CBL: variants seen among roughly 807,000 people sequenced by gnomAD.
CBL encodes the protein Cbl proto-oncogene.
Under a neutral mutation model 96.9 loss-of-function variants are expected in CBL, and 45 were observed. The ratio of observed to expected loss-of-function variants is 0.46; its 90% CI spans 0.37 to 0.60. The LOEUF (loss-of-function observed/expected upper bound fraction) is 0.60. Ranked by LOEUF, CBL falls within the 20% of genes least tolerant of loss-of-function variation. CBL has a pLI of 0.00. For missense variants in CBL, 1,024 were observed against 1,143.5 expected (o/e 0.90, Z 1.51); for synonymous variants, 420 against 426.8 (o/e 0.98, Z 0.20).
rs927516088 is a variant in CBL, at chr11:119,221,101, G to A, written c.196-11347G>A. Among the ~76,000 whole-genome samples, 5 of 151,792 alleles carry A rather than the reference G, an allele frequency of 3.3e-5. No individual in the cohort carries two copies. In the South Asian group the frequency reaches 6.2e-4, roughly 19 times the overall value. On this transcript the variant is annotated intron_variant, in intron 1 of 15. Transcript: ENST00000264033. ...TCTACTAAAAATACAAAAATTAGCC[G>A]GGCGTGGTAGTGCGCGCCTGTAGTC...
intron 13 of CBL, 66 bp from the exon 14 acceptor site, chr11:119,297,318 C>A: frequency 7.9e-7 from 1 of 1,268,048 alleles, no homozygotes; most frequent in Non-Finnish European, 1.2e-6. Context: ...GAAGATGAAT[C>A]TTCATAAGTT....
chr11:119,225,089 T>G (rs368780679), intron 1 of CBL, among the ~76,000 whole-genome samples: 1 of 151,786 alleles, frequency 6.6e-6, no homozygotes, highest in East Asian at 2.0e-4. Context: ...CGCTTGTATG[T>G]ATGCATGTAT....
chr11:119,229,448 C>G (rs1949484347), intron 1 of CBL, among the ~76,000 whole-genome samples: 2 of 152,062 alleles, frequency 1.3e-5, no homozygotes, highest in African/African-American at 4.8e-5. Context: ...TCTTTGTTTG[C>G]TAGGCTTATA....
intron 4 of CBL, 45 bp from the exon 5 acceptor site, chr11:119,274,787 T>G: frequency 6.2e-7 from 1 of 1,606,252 alleles, no homozygotes; most frequent in African/African-American, 1.3e-5. Flanking sequence ...CTGAGTTGGT[T>G]GTACATCTGA....
chr11:119,298,666 G>T, intron 15 of CBL, 126 bp downstream of exon 15: 2 of 864,298 alleles, frequency 2.3e-6, no homozygotes. Flanking sequence ...ATGTCTAAAT[G>T]GGAGGAAAGT....
At chr11:119,227,316 A>G (rs762557466) in intron 1 of CBL, among the ~76,000 whole-genome samples, 2 of 152,132 alleles carry the variant, frequency 1.3e-5, no homozygotes, top group East Asian at 1.9e-4. Flanking sequence ...TAAATATACT[A>G]TTGACTTATG....
At position 119,287,922 on chromosome 11, in the gene CBL, A is replaced by G. The variant is rs760168148; in HGVS notation, c.2012A>G (p.Asn671Ser). Residue 671 changes from asparagine (N) to serine (S), a missense_variant, in exon 12 of 16, where the codon AAT becomes AGT. Asn to Ser is a conservative substitution (Grantham distance 46). Transcript: ENST00000264033. ...AAAATCAAACCTTCCTCATCTGCCA[A>G]TGCCATTTATTCTCTGGCTGCCAGG... ...HPKIKPSSSA[N>S]AIYSLAARPL... The G allele has an allele frequency of 9.9e-6, 16 of 1,612,890 alleles. No homozygotes were observed. Among genetic ancestry groups the G allele is most frequent in the South Asian group, 6.6e-5 (6 of 91,066 alleles).
rs527692584 is a variant in CBL at position 119,285,500 on chromosome 11, C to T, written c.1875C>T (p.Pro625=). The change falls in exon 11 of 16, where the codon CCC becomes CCT. Residue 625 remains proline (P), a synonymous_variant. Transcript: ENST00000264033. The part of the protein sequence containing the change: ...TNRHSLPFSL[P]SQMEPRPDVP... ...GGCACTCACTTCCATTTTCATTGCC[C>T]TCACAAATGGAGCCCAGACCAGATG... The T allele has an allele frequency of 1.2e-6, 2 of 1,614,098 alleles. No homozygotes were observed. The highest frequency in any genetic ancestry group is 2.2e-5 in the East Asian group (1 of 44,886).
chr11:119,244,477 G>A (rs1423064533), intron 2 of CBL, among the ~76,000 whole-genome samples: 1 of 151,564 alleles, frequency 6.6e-6, no homozygotes, highest in Non-Finnish European at 1.5e-5. Context: ...GAGTGCAGTG[G>A]CACAATCTTG....
chr11:119,210,153 G>A (rs1949305034), intron 1 of CBL, among the ~76,000 whole-genome samples: 1 of 152,204 alleles, frequency 6.6e-6, no homozygotes, highest in Non-Finnish European at 1.5e-5. Flanking sequence ...GAGGTAGGCA[G>A]ATCATTTGAT....
Position 119,298,206 on chromosome 11 carries a change from T to C in CBL, c.2252-152T>C, listed in dbSNP as rs2511858. ...ATTTTATTTTCTATTTTTATCTCTG[T>C]TTACATGGTGTTTGGCCCACAGTAG... On this transcript the variant is annotated intron_variant, in intron 14 of 15. Coordinates refer to ENST00000264033, the MANE Select transcript of CBL (RefSeq NM_005188.4). The C allele has an allele frequency of 0.016, 11,611 of 741,240 alleles. 870 individuals carry two copies. The African/African-American group carries it at 0.17, about 11-fold the overall frequency. The allele number at this position is 741,240 out of a possible 1,614,324, so 45.9% of individuals were successfully genotyped here.
At position 119,306,651 on chromosome 11, in the gene CBL, T is replaced by A. The variant is rs1344709775; in HGVS notation, c.*6870T>A. ...AACTGGAGAGGCAGAGAACTACTTATGAGTCTGTAGACCACGTGTTGTCTT... is the reference window on the plus strand; with the variant it reads ...AACTGGAGAGGCAGAGAACTACTTAAGAGTCTGTAGACCACGTGTTGTCTT... On this transcript the variant is annotated 3_prime_UTR_variant, in exon 16 of 16. Transcript: ENST00000264033. 3.2e-6 allele frequency: 1 copy of A among 316,418 alleles called. No individual in the cohort carries two copies. 19.6% of individuals were successfully genotyped at this position (316,418 alleles called of 1,614,324 possible).
intron 1 of CBL, among the ~76,000 whole-genome samples, chr11:119,231,004 A>G (rs1259494942): frequency 6.6e-6 from 1 of 152,248 alleles, no homozygotes; most frequent in Admixed American, 6.5e-5. Flanking sequence ...AAGATGGTAC[A>G]AAGAATTGCC....
chr11:119,280,530 G>A lies in CBL; in HGVS notation c.1431+1817G>A, dbSNP rs551609034. ...GTTTCTTCACATCCTGGTAGATGTTGTTTGTTGTTTTATTTTGATTTTTTT... is the reference window on the plus strand; with the variant it reads ...GTTTCTTCACATCCTGGTAGATGTTATTTGTTGTTTTATTTTGATTTTTTT... On this transcript the variant is annotated intron_variant, in intron 9 of 15. Coordinates refer to ENST00000264033, the MANE Select transcript of CBL (RefSeq NM_005188.4). Among the ~76,000 whole-genome samples the A allele has an allele frequency of 5.3e-5, 8 of 152,082 alleles. No individual in the cohort carries two copies. In the South Asian group the frequency reaches 1.7e-3, roughly 32 times the overall value.
At chr11:119,236,898 C>A (rs1018274403) in intron 2 of CBL, among the ~76,000 whole-genome samples, 1 of 152,048 alleles carries the variant, frequency 6.6e-6, no homozygotes, top group Non-Finnish European at 1.5e-5. Context: ...CTCAGTTTAA[C>A]CTTCCTTGGA....
At chr11:119,297,856 CT>C (rs1950074723) in intron 14 of CBL, among the ~76,000 whole-genome samples, 1 of 152,176 alleles carries the variant, frequency 6.6e-6, no homozygotes, top group African/African-American at 2.4e-5. Flanking sequence ...TCCTTTTGTG[CT>C]TTTCTTTGTC....
chr11:119,238,218 A>G (rs1949559552), intron 2 of CBL, among the ~76,000 whole-genome samples: 1 of 144,202 alleles, frequency 6.9e-6, no homozygotes, highest in African/African-American at 2.6e-5. Context: ...TTGATCCCAA[A>G]TACAATTTTT....
At position 119,303,438 on chromosome 11, in the gene CBL, G is replaced by A. The variant is rs531590698; in HGVS notation, c.*3657G>A. 4.3e-6 allele frequency: 1 copy of A among 233,506 alleles called. No individual in the cohort carries two copies. The highest frequency in any genetic ancestry group is 1.8e-4 in the South Asian group (1 of 5,524). 14.5% of individuals were successfully genotyped at this position (233,506 alleles called of 1,614,324 possible). ...GTCAGGTATGTGTCCTTCCCTTGGC[G>A]CCACATAGTAGTTTACTAATGTTTG... On this transcript the variant is annotated 3_prime_UTR_variant, in exon 16 of 16. Transcript: ENST00000264033.
At chr11:119,282,301 T>G (rs1321289724) in intron 9 of CBL, among the ~76,000 whole-genome samples, 3 of 149,112 alleles carry the variant, frequency 2.0e-5, no homozygotes, top group African/African-American at 7.5e-5. Flanking sequence ...TCGCACTATT[T>G]CACTCCAGCC....
Sources: gnomAD v4.1 joint callset for allele counts (sites outside exome capture counted in the v4.1 genomes callset) on GRCh38, gnomAD v4.1.1 for gene constraint, MANE v1.5 for transcripts, NCBI Gene and HGNC (gene_info 2026-07-23, HGNC 2026-07-21) for gene names.